Variants in ABCB5 observed in about 807,000 individuals in gnomAD.
The protein encoded by ABCB5 is ATP-binding cassette sub-family B member 5.
A neutral mutation model predicts 144.2 loss-of-function variants in ABCB5; 155 were observed. The observed-to-expected ratio is 1.08, with a 90% confidence interval of 0.94 to 1.23. The LOEUF (loss-of-function observed/expected upper bound fraction) is 1.23. Among genes scored for constraint, ABCB5 ranks in the 50% most tolerant of loss-of-function variants. ABCB5 has a pLI of 0.00. For missense variants in ABCB5, 1,830 were observed against 1,520.8 expected (o/e 1.20, Z -3.38); for synonymous variants, 610 against 528.6 (o/e 1.15, Z -2.11).
intron 13 of ABCB5, among the ~76,000 whole-genome samples, chr7:20,655,768 C>T (rs952821221): frequency 1.3e-5 from 2 of 152,182 alleles, no homozygotes; most frequent in Admixed American, 1.3e-4. Context: ...CAATCAAAAT[C>T]TCACCAGTTT....
chr7:20,640,034 T>C (rs111275502), intron 5 of ABCB5, among the ~76,000 whole-genome samples: 8,583 of 152,226 alleles, frequency 0.056, 340 homozygotes, highest in South Asian at 0.14. Context: ...CTCCTAATAA[T>C]GTGTTGTGGT....
intron 19 of ABCB5, among the ~76,000 whole-genome samples, chr7:20,702,095 G>A (rs1786647945): frequency 6.6e-6 from 1 of 152,170 alleles, no homozygotes; most frequent in African/African-American, 2.4e-5. Flanking sequence ...ACAGGTGTGT[G>A]TAGGTATAAA....
chr7:20,711,099 A>G (rs1283065434), intron 20 of ABCB5, among the ~76,000 whole-genome samples: 1 of 149,676 alleles, frequency 6.7e-6, no homozygotes, highest in African/African-American at 2.5e-5. Flanking sequence ...ATCTTTTGCT[A>G]TTGTTGTCAT....
chr7:20,726,161 G>A (rs981813244), intron 21 of ABCB5, among the ~76,000 whole-genome samples: 1 of 152,202 alleles, frequency 6.6e-6, no homozygotes, highest in African/African-American at 2.4e-5. Flanking sequence ...TATAAATGTG[G>A]AGAAGTATTC....
chr7:20,659,842 C>T (rs2128030348), intron 14 of ABCB5: 1 of 912,342 alleles, frequency 1.1e-6, no homozygotes, highest in Non-Finnish European at 1.3e-6. Flanking sequence ...CATCACCACA[C>T]CCAGCTAATT....
At chr7:20,650,265 GT>G in intron 12 of ABCB5, 118 bp downstream of exon 12, 1 of 1,332,084 alleles carries the variant, frequency 7.5e-7, no homozygotes, top group Non-Finnish European at 1.0e-6. Flanking sequence ...AAGCCATATT[GT>G]TTTCTTTCCT....
chr7:20,688,370 A>C (rs990467428), intron 16 of ABCB5, among the ~76,000 whole-genome samples: 73 of 152,276 alleles, frequency 4.8e-4, no homozygotes, highest in Middle Eastern at 3.4e-3. Flanking sequence ...ATGAATCATT[A>C]AGAGGGGATT....
At chr7:20,697,546 T>A (rs1293803761) in intron 16 of ABCB5, among the ~76,000 whole-genome samples, 1 of 152,218 alleles carries the variant, frequency 6.6e-6, no homozygotes, top group Non-Finnish European at 1.5e-5. Flanking sequence ...CGTTATCGTA[T>A]TATTTATCCT....
At chr7:20,666,705 C>A in intron 14 of ABCB5, 1 of 1,571,512 alleles carries the variant, frequency 6.4e-7, no homozygotes, top group Non-Finnish European at 8.6e-7. Flanking sequence ...TTTGTGTAAT[C>A]TGTGAAGTAG....
At chr7:20,642,817 C>T (rs552153107) in intron 5 of ABCB5, among the ~76,000 whole-genome samples, 24 of 152,226 alleles carry the variant, frequency 1.6e-4, no homozygotes, top group African/African-American at 5.5e-4. Context: ...AGTTTTTAAG[C>T]TTTTTATCAA....
intron 14 of ABCB5, among the ~76,000 whole-genome samples, chr7:20,661,285 TACCCTCAC>T (rs1305348070): frequency 2.0e-5 from 3 of 152,220 alleles, no homozygotes; most frequent in Non-Finnish European, 4.4e-5. Context: ...TTCTTAAACA[TACCCTCAC>T]ACTTTTCATT....
chr7:20,644,474 C>T (rs962498417), intron 7 of ABCB5, among the ~76,000 whole-genome samples: 1 of 152,156 alleles, frequency 6.6e-6, no homozygotes, highest in African/African-American at 2.4e-5. Flanking sequence ...GTTTTTTAAA[C>T]AAATTATGTA....
intron 17 of ABCB5, 33 bp from the exon 18 acceptor site, chr7:20,699,792 C>G: frequency 1.4e-6 from 2 of 1,433,862 alleles, no homozygotes; most frequent in Middle Eastern, 1.9e-4. Flanking sequence ...ATATTTTCCC[C>G]CAAACACCTG....
chr7:20,692,281 G>T (rs1362940122), intron 16 of ABCB5, among the ~76,000 whole-genome samples: 1 of 151,886 alleles, frequency 6.6e-6, no homozygotes, highest in Non-Finnish European at 1.5e-5. Context: ...AGACAAGAAA[G>T]CTACAAACTT....
chr7:20,747,214 G>A (rs1045225236), intron 26 of ABCB5, among the ~76,000 whole-genome samples: 6 of 152,152 alleles, frequency 3.9e-5, no homozygotes, highest in African/African-American at 9.7e-5. Flanking sequence ...GCATAATCTC[G>A]ATAGTTTGTT....
intron 16 of ABCB5, among the ~76,000 whole-genome samples, chr7:20,696,893 C>A (rs906355161): frequency 3.3e-5 from 5 of 152,078 alleles, no homozygotes; most frequent in African/African-American, 1.2e-4. Context: ...AAAAGAACAT[C>A]TTTAAATTAC....
chr7:20,726,682 T>C (rs1484990490), intron 21 of ABCB5, among the ~76,000 whole-genome samples: 2 of 152,156 alleles, frequency 1.3e-5, no homozygotes, highest in Non-Finnish European at 2.9e-5. Context: ...TATCTTTTAC[T>C]TGAATTGTTT....
chr7:20,618,636 C>T (rs1393260410), intron 1 of ABCB5, among the ~76,000 whole-genome samples: 1 of 152,060 alleles, frequency 6.6e-6, no homozygotes, highest in Non-Finnish European at 1.5e-5. Flanking sequence ...CAATGTTCAG[C>T]TCCCATTTAT....
chr7:20,749,329 G>C (rs1583469277), intron 26 of ABCB5, among the ~76,000 whole-genome samples: 1 of 148,814 alleles, frequency 6.7e-6, no homozygotes, highest in South Asian at 2.1e-4. Context: ...CTGGGCTCAA[G>C]TGTTCCTCCC....
Sources: allele counts gnomAD v4.1 joint callset (sites outside exome capture counted in the v4.1 genomes callset), GRCh38; gene constraint gnomAD v4.1.1; transcripts MANE v1.5; gene names NCBI Gene and HGNC (gene_info 2026-07-23, HGNC 2026-07-21).